KCNMB2: variants seen among roughly 807,000 people sequenced by gnomAD.
The protein encoded by KCNMB2 is calcium-activated potassium channel subunit beta-2.
Under a neutral mutation model 24.5 loss-of-function variants are expected in KCNMB2, and 9 were observed. The ratio of observed to expected loss-of-function variants is 0.37; its 90% CI spans 0.22 to 0.64. The LOEUF (loss-of-function observed/expected upper bound fraction) is 0.64, where lower values mean the gene tolerates loss of function less well. Ranked by LOEUF, KCNMB2 falls within the 30% of genes least tolerant of loss-of-function variation. KCNMB2 has a pLI of 0.63. For synonymous variants in KCNMB2, 109 were observed against 104.4 expected (o/e 1.04, Z -0.27); for missense variants, 226 against 284.3 (o/e 0.79, Z 1.47).
At chr3:178,689,710 C>T (rs1025454036) in intron 1 of KCNMB2, among the ~76,000 whole-genome samples, 76 of 152,320 alleles carry the variant, frequency 5.0e-4, no homozygotes, top group African/African-American at 1.7e-3. Context: ...GAAAATACCT[C>T]TTTCTCCCTT....
At chr3:178,834,702 T>A (rs1715162135) in intron 4 of KCNMB2, among the ~76,000 whole-genome samples, 1 of 152,122 alleles carries the variant, frequency 6.6e-6, no homozygotes, top group African/African-American at 2.4e-5. Context: ...GCATTTGACA[T>A]CCCATAATTA....
chr3:178,744,661 C>A (rs996695354), intron 1 of KCNMB2, among the ~76,000 whole-genome samples: 19 of 152,000 alleles, frequency 1.3e-4, no homozygotes, highest in African/African-American at 4.1e-4. Context: ...CTCACTGGAG[C>A]CTTCTCCTGA....
chr3:178,571,496 G>A (rs892857054), intron 1 of KCNMB2, among the ~76,000 whole-genome samples: 2 of 102,500 alleles, frequency 2.0e-5, no homozygotes, highest in African/African-American at 6.4e-5. Context: ...ACTTTTTTCT[G>A]TTTCACTTAT....
chr3:178,786,459 C>T (rs374543292), intron 1 of KCNMB2, among the ~76,000 whole-genome samples: 77 of 152,240 alleles, frequency 5.1e-4, no homozygotes, highest in East Asian at 7.7e-4. Context: ...GGTACAAAAA[C>T]GTGGTTGGAT....
At chr3:178,755,164 G>A (rs894255616) in intron 1 of KCNMB2, among the ~76,000 whole-genome samples, 1 of 152,208 alleles carries the variant, frequency 6.6e-6, no homozygotes, top group Non-Finnish European at 1.5e-5. Flanking sequence ...TCCATCTGGG[G>A]CAGCAGCAAC....
In KCNMB2 at chr3:178,759,106, C is replaced by T. The variant is rs865834288; in HGVS notation, c.-67-48237C>T. Among the ~76,000 whole-genome samples, 19 of 27,772 alleles carry T rather than the reference C, an allele frequency of 6.8e-4. 1 individual carries two copies. Among genetic ancestry groups the T allele is most frequent in the South Asian group, 1.1e-3 (1 of 886 alleles). 18.2% of individuals were successfully genotyped at this position (27,772 alleles called of 152,430 possible). ...CCAAGAGGGATATATATATATATCTCCAAGAGGGATATATATATATATCTC... is the reference window on the plus strand; with the variant it reads ...CCAAGAGGGATATATATATATATCTTCAAGAGGGATATATATATATATCTC... On this transcript the variant is annotated intron_variant, in intron 1 of 4. Coordinates refer to ENST00000452583, the MANE Select transcript of KCNMB2 (RefSeq NM_181361.3).
At chr3:178,762,849 G>GAA (rs58820080) in intron 1 of KCNMB2, among the ~76,000 whole-genome samples, 3,837 of 129,224 alleles carry the variant, frequency 0.03, 184 homozygotes, top group African/African-American at 0.1. Flanking sequence ...TTACTGAGTT[G>GAA]AAAAAAAAAA....
At chr3:178,620,862 T>C (rs1718897357) in intron 1 of KCNMB2, among the ~76,000 whole-genome samples, 1 of 152,148 alleles carries the variant, frequency 6.6e-6, no homozygotes, top group Non-Finnish European at 1.5e-5. Flanking sequence ...AAGGATGCAT[T>C]CTAGGCAGAG....
chr3:178,551,713 C>T (rs1170806883), intron 1 of KCNMB2, among the ~76,000 whole-genome samples: 1 of 152,190 alleles, frequency 6.6e-6, no homozygotes, highest in African/African-American at 2.4e-5. Context: ...TTGTACTAGG[C>T]ATTTTACCTG....
intron 1 of KCNMB2, among the ~76,000 whole-genome samples, chr3:178,656,638 C>T (rs13088016): frequency 0.14 from 21,889 of 151,764 alleles, 1,792 homozygotes; most frequent in Middle Eastern, 0.25. Context: ...CCGGGTGTGG[C>T]GGTGGGTGCC....
intron 1 of KCNMB2, among the ~76,000 whole-genome samples, chr3:178,737,982 A>G (rs113553760): frequency 9.2e-5 from 14 of 152,318 alleles, no homozygotes; most frequent in African/African-American, 3.1e-4. Flanking sequence ...CTGAATAGCT[A>G]AAAATTGTCA....
chr3:178,706,892 T>C (rs1372797655), intron 1 of KCNMB2, among the ~76,000 whole-genome samples: 1 of 152,136 alleles, frequency 6.6e-6, no homozygotes. Context: ...ACAGAAAGAA[T>C]ACAAATACCT....
At chr3:178,675,435 G>C (rs554129759) in intron 1 of KCNMB2, among the ~76,000 whole-genome samples, 3 of 152,306 alleles carry the variant, frequency 2.0e-5, no homozygotes, top group African/African-American at 7.2e-5. Context: ...TGAACTGCCA[G>C]CTTTCCCGCA....
chr3:178,581,503 C>A (rs1360564038), intron 1 of KCNMB2, among the ~76,000 whole-genome samples: 4 of 152,050 alleles, frequency 2.6e-5, no homozygotes, highest in African/African-American at 9.7e-5. Flanking sequence ...CAACAAAAGC[C>A]AAAATAGACA....
chr3:178,608,268 A>T (rs1346521671), intron 1 of KCNMB2, among the ~76,000 whole-genome samples: 3 of 152,222 alleles, frequency 2.0e-5, no homozygotes, highest in Non-Finnish European at 4.4e-5. Context: ...ATAGGCTGGC[A>T]ATAATCATTT....
At chr3:178,781,500 G>C (rs1207356961) in intron 1 of KCNMB2, among the ~76,000 whole-genome samples, 1 of 152,118 alleles carries the variant, frequency 6.6e-6, no homozygotes, top group Admixed American at 6.6e-5. Flanking sequence ...GCTGAGGCAG[G>C]AGAATTGCTT....
At chr3:178,580,704 G>C (rs1229029616) in intron 1 of KCNMB2, among the ~76,000 whole-genome samples, 2 of 152,076 alleles carry the variant, frequency 1.3e-5, no homozygotes, top group Admixed American at 6.6e-5. Flanking sequence ...AAAATCACAA[G>C]CATTTCTATA....
At chr3:178,824,617 G>A (rs1373255145) in intron 2 of KCNMB2, 2 of 155,618 alleles carry the variant, frequency 1.3e-5, no homozygotes, top group South Asian at 1.8e-4. Flanking sequence ...CTTGTGATCC[G>A]CCCGCCTCGG....
chr3:178,794,149 A>C (rs1279529748), intron 1 of KCNMB2, among the ~76,000 whole-genome samples: 1 of 152,144 alleles, frequency 6.6e-6, no homozygotes, highest in Non-Finnish European at 1.5e-5. Context: ...TTTGCAGAAC[A>C]CCACCAACAA....
Sources: allele counts gnomAD v4.1 joint callset (sites outside exome capture counted in the v4.1 genomes callset), GRCh38; gene constraint gnomAD v4.1.1; transcripts MANE v1.5; gene names NCBI Gene and HGNC (gene_info 2026-07-23, HGNC 2026-07-21).